The following TTC28 variants were observed in gnomAD, a reference collection of about 807,000 sequenced individuals.
TTC28 encodes tetratricopeptide repeat domain 28.
TTC28 carries 61 observed loss-of-function variants against 198.0 expected under a neutral mutation model. The ratio of observed to expected loss-of-function variants is 0.31; its 90% CI spans 0.25 to 0.38. TTC28 has a LOEUF of 0.38. Ranked by LOEUF, TTC28 falls within the 10% of genes least tolerant of loss-of-function variation. TTC28 has a pLI of 1.00. For synonymous variants in TTC28, 1,171 were observed against 1,297.8 expected (o/e 0.90, Z 2.10); for missense variants, 2,678 against 3,164.0 (o/e 0.85, Z 3.69).
At chr22:28,491,958 T>C (rs2048386216) in intron 2 of TTC28, among the ~76,000 whole-genome samples, 1 of 152,060 alleles carries the variant, frequency 6.6e-6, no homozygotes, top group Admixed American at 6.5e-5. Context: ...ATGTCCTTTG[T>C]AGGGACATGG....
At chr22:28,378,391 T>C (rs562214510) in intron 2 of TTC28, among the ~76,000 whole-genome samples, 161 of 148,974 alleles carry the variant, frequency 1.1e-3, no homozygotes, top group South Asian at 9.9e-3. Context: ...CTGGGCACAG[T>C]GGCTCATGCC....
rs559166876 is a variant in TTC28, at chr22:28,041,778, T to C, written c.3933-11412A>G. Among the ~76,000 whole-genome samples, 5 of 152,028 alleles carry C rather than the reference T, an allele frequency of 3.3e-5. No homozygotes were observed. In the East Asian group the frequency reaches 9.7e-4, roughly 29 times the overall value. ...AGCTTCTGCACAGCAAAAGAAACTA[T>C]CATCAGAGTGAACAGGTAACCTACA... On this transcript the variant is annotated intron_variant, in intron 12 of 22. Transcript: ENST00000397906.
At chr22:28,366,608 T>A (rs1226456045) in intron 2 of TTC28, among the ~76,000 whole-genome samples, 1 of 152,002 alleles carries the variant, frequency 6.6e-6, no homozygotes, top group East Asian at 1.9e-4. Context: ...TAATGCTGAA[T>A]GTAAATGAAC....
intron 5 of TTC28, among the ~76,000 whole-genome samples, chr22:28,229,135 G>A (rs752483528): frequency 4.6e-5 from 7 of 152,186 alleles, no homozygotes; most frequent in Non-Finnish European, 7.4e-5. Context: ...CAGCCTGGGC[G>A]ACAGAGCAAG....
intron 2 of TTC28, among the ~76,000 whole-genome samples, chr22:28,391,826 C>G (rs930107170): frequency 6.6e-6 from 1 of 152,220 alleles, no homozygotes; most frequent in African/African-American, 2.4e-5. Flanking sequence ...TCGTCTGAAG[C>G]CTTCTTCTCT....
At chr22:28,571,176 T>C (rs1024123985) in intron 2 of TTC28, among the ~76,000 whole-genome samples, 14 of 152,226 alleles carry the variant, frequency 9.2e-5, no homozygotes, top group African/African-American at 3.1e-4. Context: ...ATGTGGAATT[T>C]TGAACAGTTG....
chr22:28,504,135 GA>G (rs2048571895), intron 2 of TTC28, among the ~76,000 whole-genome samples: 1 of 152,118 alleles, frequency 6.6e-6, no homozygotes, highest in African/African-American at 2.4e-5. Flanking sequence ...ATCTGATCAT[GA>G]ATATGGTAAA....
chr22:28,540,315 A>G (rs1296747961), intron 2 of TTC28, among the ~76,000 whole-genome samples: 1 of 151,928 alleles, frequency 6.6e-6, no homozygotes, highest in Admixed American at 6.6e-5. Flanking sequence ...AGCAGAAGCA[A>G]GAGAGAGAGA....
At position 28,420,821 on chromosome 22, in the gene TTC28, G is replaced by C. The variant is rs541200527; in HGVS notation, c.382-114178C>G. 6.6e-5 allele frequency among the ~76,000 whole-genome samples: 10 copies of C among 152,096 alleles called. 1 individual carries two copies. The South Asian group carries it at 2.1e-3, about 32-fold the overall frequency. ...TCACCATGTTGGCCAGGCTGGTCTC[G>C]AACTCCTGACCTCAGGTGATCCGCC... On this transcript the variant is annotated intron_variant, in intron 2 of 22. Transcript: ENST00000397906.
intron 2 of TTC28, among the ~76,000 whole-genome samples, chr22:28,473,185 T>C (rs2048120906): frequency 6.6e-6 from 1 of 152,168 alleles, no homozygotes; most frequent in Non-Finnish European, 1.5e-5. Context: ...AATAATAAAG[T>C]CAACTAACTT....
At chr22:28,533,984 C>G (rs2049204477) in intron 2 of TTC28, among the ~76,000 whole-genome samples, 1 of 152,170 alleles carries the variant, frequency 6.6e-6, no homozygotes, top group Non-Finnish European at 1.5e-5. Flanking sequence ...CAATACCATT[C>G]AGGACATAGG....
Position 28,314,978 on chromosome 22 carries a change from A to G in TTC28, c.382-8335T>C, listed in dbSNP as rs181802474. On this transcript the variant is annotated intron_variant, in intron 2 of 22. Coordinates refer to ENST00000397906, the MANE Select transcript of TTC28 (RefSeq NM_001145418.2). Reference sequence around the variant, plus strand: ...GCTGGGGATTGTTTGTTTGCAATACAGTGTTTTTGAGGAATATTTGCTGCT... The same window carrying G: ...GCTGGGGATTGTTTGTTTGCAATACGGTGTTTTTGAGGAATATTTGCTGCT... 1.1e-4 allele frequency among the ~76,000 whole-genome samples: 16 copies of G among 152,306 alleles called. No individual in the cohort carries two copies. The East Asian group carries it at 2.9e-3, about 28-fold the overall frequency.
intron 5 of TTC28, among the ~76,000 whole-genome samples, chr22:28,201,748 A>G (rs1925958356): frequency 6.9e-6 from 1 of 145,360 alleles, no homozygotes; most frequent in African/African-American, 2.5e-5. Flanking sequence ...TGATTACAGA[A>G]AGCAAAAAAA....
At chr22:28,640,567 A>AAAAAATAATAAT (rs1555906379) in intron 1 of TTC28, among the ~76,000 whole-genome samples, 12 of 147,318 alleles carry the variant, frequency 8.1e-5, no homozygotes, top group Non-Finnish European at 1.6e-4. Flanking sequence ...CAAACTGTTA[A>AAAAAATAATAAT]AATAATAATA....
At chr22:28,134,795 CTGGATAA>C (rs1943159002) in intron 6 of TTC28, among the ~76,000 whole-genome samples, 1 of 151,864 alleles carries the variant, frequency 6.6e-6, no homozygotes, top group Non-Finnish European at 1.5e-5. Context: ...TCCAGGAGAA[CTGGATAA>C]TTTTAGTTCT....
At chr22:28,654,838 C>A (rs1190032307) in intron 1 of TTC28, among the ~76,000 whole-genome samples, 5 of 152,114 alleles carry the variant, frequency 3.3e-5, no homozygotes, top group Admixed American at 3.3e-4. Context: ...ATCATATGAC[C>A]TAGTCACTTT....
At chr22:28,010,639 G>A (rs542754272) in intron 14 of TTC28, among the ~76,000 whole-genome samples, 1 of 152,164 alleles carries the variant, frequency 6.6e-6, no homozygotes, top group Non-Finnish European at 1.5e-5. Context: ...GGTGGGGCCT[G>A]CAGGCATGTC....
chr22:28,483,144 C>G (rs1402408122), intron 2 of TTC28, among the ~76,000 whole-genome samples: 1 of 152,150 alleles, frequency 6.6e-6, no homozygotes, highest in Non-Finnish European at 1.5e-5. Context: ...TTTCCACAGT[C>G]AAGCAAGCAT....
At chr22:28,546,749 T>C (rs191412776) in intron 2 of TTC28, among the ~76,000 whole-genome samples, 2 of 152,226 alleles carry the variant, frequency 1.3e-5, no homozygotes, top group East Asian at 1.9e-4. Context: ...GATAAATAAA[T>C]TGTAATATAT....
Sources: gnomAD v4.1 joint callset for allele counts (sites outside exome capture counted in the v4.1 genomes callset) on GRCh38, gnomAD v4.1.1 for gene constraint, MANE v1.5 for transcripts, NCBI Gene and HGNC (gene_info 2026-07-23, HGNC 2026-07-21) for gene names.